CPXM2: variants seen among roughly 807,000 people sequenced by gnomAD.
CPXM2 encodes inactive carboxypeptidase-like protein X2.
A neutral mutation model predicts 86.1 loss-of-function variants in CPXM2; 66 were observed. The ratio of observed to expected loss-of-function variants is 0.77; its 90% CI spans 0.63 to 0.94. The LOEUF is 0.94. Ranked by LOEUF, CPXM2 falls within the 40% of genes least tolerant of loss-of-function variation. The pLI is 0.00. For missense variants in CPXM2, 948 were observed against 1,026.3 expected (o/e 0.92, Z 1.04); for synonymous variants, 388 against 400.2 (o/e 0.97, Z 0.36).
chr10:123,787,782 G>A (rs960016001), intron 6 of CPXM2, among the ~76,000 whole-genome samples: 1 of 152,044 alleles, frequency 6.6e-6, no homozygotes, highest in Non-Finnish European at 1.5e-5. Context: ...AGAAGCCCGG[G>A]CTCAGGATGC....
At chr10:123,900,945 C>G (rs1450880103) in intron 2 of CPXM2, among the ~76,000 whole-genome samples, 1 of 152,036 alleles carries the variant, frequency 6.6e-6, no homozygotes, top group African/African-American at 2.4e-5. Flanking sequence ...GCATTTCATT[C>G]TAGAGTCAGC....
chr10:123,847,181 A>C (rs1848511518), intron 3 of CPXM2, among the ~76,000 whole-genome samples: 1 of 152,196 alleles, frequency 6.6e-6, no homozygotes, highest in African/African-American at 2.4e-5. Flanking sequence ...TAAAACATCA[A>C]GTCTACATCT....
At chr10:123,882,380 C>A (rs561166552) in intron 1 of CPXM2, among the ~76,000 whole-genome samples, 1 of 152,126 alleles carries the variant, frequency 6.6e-6, no homozygotes, top group Non-Finnish European at 1.5e-5. Flanking sequence ...CTTCTGTGGG[C>A]GGGAACATCC....
At chr10:123,844,391 A>T (rs1241060881) in intron 3 of CPXM2, among the ~76,000 whole-genome samples, 1 of 152,210 alleles carries the variant, frequency 6.6e-6, no homozygotes, top group African/African-American at 2.4e-5. Flanking sequence ...AATACCAAAA[A>T]AAAACTGAGA....
chr10:123,897,148 C>T (rs1051208597), intron 2 of CPXM2, among the ~76,000 whole-genome samples: 2 of 151,378 alleles, frequency 1.3e-5, no homozygotes, highest in Admixed American at 1.3e-4. Context: ...CAACTCTAGC[C>T]CTGCAGTCCT....
At chr10:123,831,982 GGGGGT>G (rs1848176659) in intron 4 of CPXM2, among the ~76,000 whole-genome samples, 1 of 145,938 alleles carries the variant, frequency 6.9e-6, no homozygotes, top group Admixed American at 6.8e-5. Context: ...TTGTGGGGGC[GGGGGT>G]GGGGTGGGGA....
At chr10:123,755,733 C>A (rs1002565553) in intron 12 of CPXM2, among the ~76,000 whole-genome samples, 3 of 152,182 alleles carry the variant, frequency 2.0e-5, no homozygotes, top group African/African-American at 7.2e-5. Context: ...AGTTTCCCCA[C>A]CTGTAGAATG....
At chr10:123,788,681 T>C (rs1490936917) in intron 6 of CPXM2, among the ~76,000 whole-genome samples, 1 of 152,140 alleles carries the variant, frequency 6.6e-6, no homozygotes, top group East Asian at 1.9e-4. Flanking sequence ...GACCTCACTC[T>C]TGTTAATTGG....
chr10:123,863,717 T>TG (rs1848911393), intron 2 of CPXM2, among the ~76,000 whole-genome samples: 1 of 152,140 alleles, frequency 6.6e-6, no homozygotes, highest in Non-Finnish European at 1.5e-5. Context: ...AACCTTCTCA[T>TG]GCTGTCCCAG....
chr10:123,782,585 AGT>A (rs1846960047), intron 6 of CPXM2, among the ~76,000 whole-genome samples: 1 of 152,180 alleles, frequency 6.6e-6, no homozygotes. Flanking sequence ...GATTAGACAA[AGT>A]TTTATTGAGA....
At chr10:123,826,256 G>T (rs1467810508) in intron 4 of CPXM2, among the ~76,000 whole-genome samples, 1 of 152,128 alleles carries the variant, frequency 6.6e-6, no homozygotes. Flanking sequence ...CACCTGGCAG[G>T]ATTTTCATCT....
At chr10:123,795,453 T>C (rs758927816) in intron 6 of CPXM2, among the ~76,000 whole-genome samples, 9 of 151,952 alleles carry the variant, frequency 5.9e-5, no homozygotes, top group Non-Finnish European at 2.9e-5. Context: ...CAAAGGTAAA[T>C]GAATGTTTCG....
intron 11 of CPXM2, among the ~76,000 whole-genome samples, chr10:123,758,622 G>A (rs1175019846): frequency 2.0e-5 from 3 of 152,144 alleles, no homozygotes; most frequent in Non-Finnish European, 4.4e-5. Flanking sequence ...CTTCTGGGGA[G>A]GCCACCAACC....
At chr10:123,904,521 G>A (rs1945414848) in intron 2 of CPXM2, among the ~76,000 whole-genome samples, 1 of 152,146 alleles carries the variant, frequency 6.6e-6, no homozygotes, top group South Asian at 2.1e-4. Context: ...TCAGGGCCTC[G>A]ACGTCAGGGG....
chr10:123,844,448 T>TA (rs1208037165), intron 3 of CPXM2, among the ~76,000 whole-genome samples: 16 of 152,198 alleles, frequency 1.1e-4, no homozygotes, highest in Admixed American at 1.0e-3. Flanking sequence ...CATTTTTTTT[T>TA]ACCTTAAAGA....
At chr10:123,840,854 C>T (rs562232550) in intron 4 of CPXM2, among the ~76,000 whole-genome samples, 27 of 152,324 alleles carry the variant, frequency 1.8e-4, no homozygotes, top group Admixed American at 7.2e-4. Context: ...GCACAGATGC[C>T]AGGTCCATCT....
chr10:123,943,988 C>T (rs925551418), upstream of CPXM2, among the ~76,000 whole-genome samples: 5 of 152,170 alleles, frequency 3.3e-5, no homozygotes, highest in African/African-American at 1.2e-4. Flanking sequence ...ATCGTGGTCA[C>T]CTGCTTCTGC....
At position 123,752,216 on chromosome 10, in the gene CPXM2, C is replaced by T. The variant is rs535721598; in HGVS notation, c.2017+2447G>A. 6.7e-5 allele frequency: 66 copies of T among 985,324 alleles called. 1 individual carries two copies. In the South Asian group the frequency reaches 2.5e-3, roughly 38 times the overall value. The allele number at this position is 985,324 out of a possible 1,614,324, so 61.0% of individuals were successfully genotyped here. ...CTCTGGCACATTCCAGCTATGCAATCTACATTTGCTGAATTAATTAAGGAA... is the reference window on the plus strand; with the variant it reads ...CTCTGGCACATTCCAGCTATGCAATTTACATTTGCTGAATTAATTAAGGAA... On this transcript the variant is annotated intron_variant, in intron 13 of 13. Transcript: ENST00000241305.
chr10:123,791,896 C>T (rs2134053712), intron 6 of CPXM2, among the ~76,000 whole-genome samples: 1 of 152,336 alleles, frequency 6.6e-6, no homozygotes, highest in Admixed American at 6.5e-5. Context: ...TCCTTCCGAA[C>T]TGAGCTGCTT....
Sources: gnomAD v4.1 joint callset for allele counts (sites outside exome capture counted in the v4.1 genomes callset) on GRCh38, gnomAD v4.1.1 for gene constraint, MANE v1.5 for transcripts, NCBI Gene and HGNC (gene_info 2026-07-23, HGNC 2026-07-21) for gene names.